FGFR1: variants seen among roughly 807,000 people sequenced by gnomAD.
FGFR1 encodes fibroblast growth factor receptor 1.
In FGFR1, 18 loss-of-function variants were observed where a neutral mutation model predicts 93.7. That is an observed-to-expected ratio of 0.19 (90% CI 0.13 to 0.28). The LOEUF (loss-of-function observed/expected upper bound fraction) is 0.28. Among genes scored for constraint, FGFR1 ranks in the 10% least tolerant of loss-of-function variants. The pLI is 1.00. For missense variants in FGFR1, 731 were observed against 1,080.4 expected, an observed-to-expected ratio of 0.68 and a Z score of 4.53; for synonymous variants, 448 against 429.3, an observed-to-expected ratio of 1.04 and a Z score of -0.54.
intron 2 of FGFR1, among the ~76,000 whole-genome samples, 158 bp downstream of exon 2, chr8:38,457,198 G>A (rs985884361): frequency 6.6e-6 from 1 of 152,152 alleles, no homozygotes; most frequent in African/African-American, 2.4e-5. Flanking sequence ...ACCAACCCAG[G>A]TATCTTGAGA....
At position 38,413,244 on chromosome 8, in the gene FGFR1, T is replaced by C. The variant is rs1814974123; in HGVS notation, c.*384A>G. 4 of 329,888 alleles carry C rather than the reference T, an allele frequency of 1.2e-5. No individual in the cohort carries two copies. Among genetic ancestry groups the C allele is most frequent in the Non-Finnish European group, 2.2e-5 (4 of 178,038 alleles). The allele number at this position is 329,888 out of a possible 1,614,324, so 20.4% of individuals were successfully genotyped here. On this transcript the variant is annotated 3_prime_UTR_variant, in exon 18 of 18. Coordinates refer to ENST00000447712, the MANE Select transcript of FGFR1 (RefSeq NM_023110.3). This position sits in a 1 kb window ranked among gnomAD's most constrained non-coding sequence, Gnocchi z 4.2. ...CACCTGCCACCAGAGTGCGAGGGGC[T>C]TATGGGTGAAGGCAAAACAGACCAA... is the stretch of plus-strand genomic sequence containing the variant.
intron 8 of FGFR1, among the ~76,000 whole-genome samples, chr8:38,421,267 A>G (rs1016280818): frequency 5.3e-5 from 8 of 152,228 alleles, no homozygotes; most frequent in Non-Finnish European, 8.8e-5. Context: ...GCTGCCTGAG[A>G]CAGGCCTTTC....
At chr8:38,425,420 T>C (rs898840846) in intron 6 of FGFR1, among the ~76,000 whole-genome samples, 9 of 152,090 alleles carry the variant, frequency 5.9e-5, no homozygotes, top group African/African-American at 2.2e-4. Context: ...AGTGATGGGA[T>C]CACAGGCGTG....
chr8:38,440,957 T>C (rs1827228987), intron 2 of FGFR1, among the ~76,000 whole-genome samples: 1 of 152,180 alleles, frequency 6.6e-6, no homozygotes, highest in Non-Finnish European at 1.5e-5. Context: ...TTTGTTTTTA[T>C]TAAAAAAAGA....
At chr8:38,464,067 C>T (rs1191342074) in intron 1 of FGFR1, among the ~76,000 whole-genome samples, 2 of 152,084 alleles carry the variant, frequency 1.3e-5, no homozygotes, top group Non-Finnish European at 2.9e-5. Flanking sequence ...GTAATCCCAG[C>T]ATTTTGGGAG....
chr8:38,419,546 C>T lies in FGFR1; in HGVS notation c.1271G>A (p.Arg424His), dbSNP rs183376882. ...CCATCTACTTTCTGTTACCTGTCTG[C>T]GCAGAGGGATGCTCTTGGCCAGCTT... ...VHKLAKSIPL[R>H]RQVTVSADSS... The change falls in exon 9 of 18, where the codon CGC (arginine) becomes CAC (histidine). Residue 424 changes from arginine to histidine, a missense_variant. Arg to His is a conservative substitution (Grantham distance 29, BLOSUM62 0). Transcript: ENST00000447712. 1.9e-5 allele frequency: 31 copies of T among 1,614,056 alleles called. No individual in the cohort carries two copies. Among genetic ancestry groups the T allele is most frequent in the East Asian group, 1.6e-4 (7 of 44,876 alleles).
chr8:38,452,910 G>A (rs1341627877), intron 2 of FGFR1, among the ~76,000 whole-genome samples: 1 of 152,184 alleles, frequency 6.6e-6, no homozygotes, highest in Non-Finnish European at 1.5e-5. Flanking sequence ...CCAGGAGGTG[G>A]AGGTTGCAGT....
chr8:38,417,195 G>A (rs534919866), intron 12 of FGFR1, 111 bp downstream of exon 12: 1 of 840,510 alleles, frequency 1.2e-6, no homozygotes, highest in Non-Finnish European at 2.0e-6. Context: ...TGCCAAAGCA[G>A]CCTCTCTTAA....
chr8:38,432,314 G>A (rs1823439750), intron 2 of FGFR1, among the ~76,000 whole-genome samples: 1 of 152,120 alleles, frequency 6.6e-6, no homozygotes, highest in East Asian at 1.9e-4. Context: ...GAACCAGCTC[G>A]CTTTCCTCCT....
chr8:38,428,501 C>T, intron 3 of FGFR1, 66 bp from the exon 4 acceptor site: 3 of 1,322,640 alleles, frequency 2.3e-6, no homozygotes, highest in Non-Finnish European at 3.2e-6. Flanking sequence ...AAGGCTAGTG[C>T]AGTTCCAGAT....
At chr8:38,452,587 T>C (rs1831431255) in intron 2 of FGFR1, among the ~76,000 whole-genome samples, 1 of 152,160 alleles carries the variant, frequency 6.6e-6, no homozygotes, top group Non-Finnish European at 1.5e-5. Context: ...GGTCTGGAAC[T>C]CCCGGGCTCG....
At chr8:38,440,728 G>C (rs1462908783) in intron 2 of FGFR1, among the ~76,000 whole-genome samples, 1 of 152,170 alleles carries the variant, frequency 6.6e-6, no homozygotes, top group Admixed American at 6.5e-5. Flanking sequence ...CCAGAGGGCC[G>C]GCAATAAAGC....
chr8:38,418,243 T>C lies in FGFR1; in HGVS notation c.1415A>G (p.Glu472Gly). Residue 472 changes from glutamate (E) to glycine (G), a missense_variant, in exon 10 of 18, where the codon GAG becomes GGG. Around this residue, in one of 10 missense-constraint regions of FGFR1, gnomAD observed 146 missense variants for 173.0 expected, o/e 0.84. Coordinates refer to ENST00000447712, the MANE Select transcript of FGFR1 (RefSeq NM_023110.3). ...EYELPEDPRW[E>G]LPRDRLVLGK... The stretch of plus-strand genomic sequence containing the variant: ...GTATTATTACCTGTCCCGAGGCAGC[T>C]CCCAGCGAGGGTCTTCGGGAAGCTC... 6.2e-7 allele frequency: 1 copy of C among 1,614,154 alleles called. No individual in the cohort carries two copies. The highest frequency in any genetic ancestry group is 8.5e-7 in the Non-Finnish European group (1 of 1,180,038).
In FGFR1 at chr8:38,428,049, A is replaced by G. The variant is rs928639974; in HGVS notation, c.493T>C (p.Leu165=). The G allele has an allele frequency of 3.7e-6, 6 of 1,614,224 alleles. No individual in the cohort carries two copies. The highest frequency in any genetic ancestry group is 5.1e-6 in the Non-Finnish European group (6 of 1,180,040). ...WTSPEKMEKK[L]HAVPAAKTVK... ...GTCTTGGCAGCCGGCACTGCATGCA[A>G]TTTCTTTTCCATCTTTTCTGGGGAT... Residue 165 remains leucine, a synonymous_variant, in exon 5 of 18, where the codon TTG becomes CTG. Coordinates refer to ENST00000447712, the MANE Select transcript of FGFR1 (RefSeq NM_023110.3).
intron 2 of FGFR1, among the ~76,000 whole-genome samples, chr8:38,450,470 C>A (rs938723403): frequency 1.3e-5 from 2 of 152,290 alleles, no homozygotes; most frequent in African/African-American, 2.4e-5. Flanking sequence ...AGACCTCGCC[C>A]TCCCGGATAA....
At chr8:38,443,496 CAAA>C (rs57381266) in intron 2 of FGFR1, among the ~76,000 whole-genome samples, 11 of 105,016 alleles carry the variant, frequency 1.0e-4, no homozygotes, top group African/African-American at 7.1e-5. Context: ...CTCATCTCTA[CAAA>C]AAAAAAAAAA....
Position 38,468,258 on chromosome 8 carries a change from C to T in FGFR1, c.-366G>A. ...CGGGGTCTCCAGACCTTGTGCCCCC[C>T]TCCTCCAGAACGCAGCGGCGGCGCC... On this transcript the variant is annotated 5_prime_UTR_variant, in exon 1 of 18. Transcript: ENST00000447712. The T allele has an allele frequency of 4.4e-6, 1 of 228,714 alleles. No homozygotes were observed. Among genetic ancestry groups the T allele is most frequent in the Non-Finnish European group, 8.7e-6 (1 of 114,994 alleles). 14.2% of individuals were successfully genotyped at this position (228,714 alleles called of 1,614,324 possible).
intron 13 of FGFR1, 65 bp downstream of exon 13, chr8:38,415,805 C>A (rs758552249): frequency 4.0e-6 from 6 of 1,503,386 alleles, no homozygotes; most frequent in East Asian, 2.3e-5. Context: ...AAGTCACAGG[C>A]TGGAAGACTA....
chr8:38,449,398 A>G (rs937715116), intron 2 of FGFR1, among the ~76,000 whole-genome samples: 6 of 152,232 alleles, frequency 3.9e-5, no homozygotes, highest in African/African-American at 1.4e-4. Flanking sequence ...AATGAGTGAA[A>G]AAAAATCAGT....
Sources: gnomAD v4.1 joint callset for allele counts (sites outside exome capture counted in the v4.1 genomes callset) on GRCh38, gnomAD v4.1.1 for gene constraint, gnomAD v4.1.1 regional missense constraint, Gnocchi (gnomAD v3.1) non-coding constraint, MANE v1.5 for transcripts, NCBI Gene and HGNC (gene_info 2026-07-23, HGNC 2026-07-21) for gene names.